The following CFAP20DC variants were observed in gnomAD, a reference collection of about 807,000 sequenced individuals.
CFAP20DC encodes CFAP20 domain containing.
In CFAP20DC, 84 loss-of-function variants were observed where a neutral mutation model predicts 101.7. That is an observed-to-expected ratio of 0.83 (90% CI 0.69 to 0.99). The LOEUF (loss-of-function observed/expected upper bound fraction) is 0.99. Among genes scored for constraint, CFAP20DC ranks in the 50% least tolerant of loss-of-function variants. The probability of loss-of-function intolerance (pLI) is 0.00; values close to 1 mark genes in which losing one functional copy is unlikely to be tolerated. For synonymous variants in CFAP20DC, 359 were observed against 351.2 expected (o/e 1.02, Z -0.25); for missense variants, 1,007 against 970.3 (o/e 1.04, Z -0.50).
rs138730262 is a variant in CFAP20DC, at chr3:58,791,982, C to G, written c.2237+14413G>C. 2.0e-3 allele frequency among the ~76,000 whole-genome samples: 301 copies of G among 152,278 alleles called. 5 individuals are homozygous for G. In the East Asian group the frequency reaches 0.045, roughly 23 times the overall value. On this transcript the variant is annotated intron_variant, in intron 15 of 16. Coordinates refer to ENST00000482387, the MANE Select transcript of CFAP20DC (RefSeq NM_001394063.1). ...CCTAGAAGTGCAATACAACCATGTACTTGGAATCTGGAGAGCTGGGAATAT... is the reference window on the plus strand; with the variant it reads ...CCTAGAAGTGCAATACAACCATGTAGTTGGAATCTGGAGAGCTGGGAATAT...
intron 4 of CFAP20DC, among the ~76,000 whole-genome samples, chr3:58,962,128 T>G (rs181741130): frequency 1.3e-5 from 2 of 152,342 alleles, no homozygotes; most frequent in East Asian, 3.9e-4. Flanking sequence ...GAATCTTTTT[T>G]CTTTCTTAAC....
chr3:58,910,275 T>G (rs1341674641), intron 6 of CFAP20DC, among the ~76,000 whole-genome samples: 4 of 152,168 alleles, frequency 2.6e-5, no homozygotes, highest in Admixed American at 6.6e-5. Flanking sequence ...ACCCACTCAC[T>G]CATTTTTGTG....
At position 59,015,983 on chromosome 3, in the gene CFAP20DC, C is replaced by A. The variant is rs542580441; in HGVS notation, c.278+23574G>T. On this transcript the variant is annotated intron_variant, in intron 4 of 16. Coordinates refer to ENST00000482387, the MANE Select transcript of CFAP20DC (RefSeq NM_001394063.1). The surrounding 1 kb of genome is among the most constrained non-coding windows in gnomAD (Gnocchi z 5.4). The stretch of plus-strand genomic sequence containing the variant: ...CTGGGACAAAATGCTGGGAAGAAGC[C>A]AGATCCTGGGTTCTGGCTACCTTGT... 2.1e-4 allele frequency among the ~76,000 whole-genome samples: 32 copies of A among 152,180 alleles called. No individual in the cohort carries two copies. The highest frequency in any genetic ancestry group is 9.2e-4 in the Admixed American group (14 of 15,284).
Position 59,049,640 on chromosome 3 carries a change from G to C in CFAP20DC, c.-9C>G. ...TACTCATTTTTGAACATTCCCGCAG[G>C]GGGCCCAGGGCTTGGGGGGCACAGA... On this transcript the variant is annotated 5_prime_UTR_variant, in exon 1 of 17. Coordinates refer to ENST00000482387, the MANE Select transcript of CFAP20DC (RefSeq NM_001394063.1). 1 of 1,536,128 alleles carries C rather than the reference G, an allele frequency of 6.5e-7. No homozygotes were observed. The highest frequency in any genetic ancestry group is 8.7e-7 in the Non-Finnish European group (1 of 1,146,902).
intron 7 of CFAP20DC, among the ~76,000 whole-genome samples, chr3:58,871,871 C>T (rs2080255000): frequency 6.6e-6 from 1 of 152,122 alleles, no homozygotes; most frequent in African/African-American, 2.4e-5. Context: ...GAAGTTTCAG[C>T]CATTTCCTGG....
chr3:58,819,584 T>A (rs1198591831), intron 14 of CFAP20DC, among the ~76,000 whole-genome samples: 4 of 149,308 alleles, frequency 2.7e-5, no homozygotes, highest in African/African-American at 9.9e-5. Context: ...CTCCCAAGAC[T>A]AAACCAGGAA....
chr3:58,827,005 C>T (rs2076084115), intron 14 of CFAP20DC, among the ~76,000 whole-genome samples: 1 of 152,044 alleles, frequency 6.6e-6, no homozygotes, highest in South Asian at 2.1e-4. Flanking sequence ...ATTTTAGGGG[C>T]AGTGAAACTA....
chr3:58,948,377 T>C (rs1413342289), intron 4 of CFAP20DC, among the ~76,000 whole-genome samples: 1 of 152,254 alleles, frequency 6.6e-6, no homozygotes, highest in East Asian at 1.9e-4. Context: ...TTTAATCACA[T>C]TTTTTATTGA....
At chr3:59,011,914 A>C (rs1264876666) in intron 4 of CFAP20DC, among the ~76,000 whole-genome samples, 5 of 152,190 alleles carry the variant, frequency 3.3e-5, no homozygotes, top group Admixed American at 3.3e-4. Flanking sequence ...AATTATGAAT[A>C]ATTAATCCTA....
At chr3:59,025,716 C>T (rs1001833159) in intron 4 of CFAP20DC, among the ~76,000 whole-genome samples, 4 of 152,120 alleles carry the variant, frequency 2.6e-5, no homozygotes, top group African/African-American at 7.2e-5. Context: ...AGGACCCTGA[C>T]TTGTGCCCTG....
In CFAP20DC at chr3:58,913,576, T is replaced by C; in HGVS notation, c.550+132A>G. On this transcript the variant is annotated intron_variant, in intron 6 of 16. Transcript: ENST00000482387. The surrounding 1 kb of genome is among the most constrained non-coding windows in gnomAD (Gnocchi z 4.4). ...TTGATCTAGAACAAAGAAATCAGCA[T>C]GACTGTTGACAAATTTACTTTAGCA... is the stretch of plus-strand genomic sequence containing the variant. The C allele has an allele frequency of 1.2e-6, 1 of 844,614 alleles. No homozygotes were observed. Among genetic ancestry groups the C allele is most frequent in the Non-Finnish European group, 2.0e-6 (1 of 506,498 alleles). 52.3% of individuals were successfully genotyped at this position (844,614 alleles called of 1,614,324 possible). A position where few individuals can be genotyped will look rare whatever the true frequency, so the allele number is the denominator to read the frequency against.
intron 4 of CFAP20DC, among the ~76,000 whole-genome samples, chr3:58,968,675 G>T (rs192121874): frequency 3.7e-4 from 56 of 152,274 alleles, no homozygotes; most frequent in Non-Finnish European, 6.9e-4. Flanking sequence ...TCACCCTGCT[G>T]ATAGTTTCTT....
chr3:59,029,986 C>T (rs1274336551), intron 4 of CFAP20DC, among the ~76,000 whole-genome samples: 1 of 152,164 alleles, frequency 6.6e-6, no homozygotes, highest in African/African-American at 2.4e-5. Context: ...TATGCATAAT[C>T]ATCCAGTGGG....
rs984892821 is a variant in CFAP20DC at position 59,002,057 on chromosome 3, G to C, written c.278+37500C>G. Among the ~76,000 whole-genome samples the C allele has an allele frequency of 2.6e-5, 4 of 152,134 alleles. No homozygotes were observed. Among genetic ancestry groups the C allele is most frequent in the Admixed American group, 1.3e-4 (2 of 15,280 alleles). The stretch of plus-strand genomic sequence containing the variant: ...GGCCACCATCTTAATCGTTTACCTA[G>C]GAGGCAATATCATGAAGTTAAAAGT... On this transcript the variant is annotated intron_variant, in intron 4 of 16. Coordinates refer to ENST00000482387, the MANE Select transcript of CFAP20DC (RefSeq NM_001394063.1). The surrounding 1 kb of genome is among the most constrained non-coding windows in gnomAD (Gnocchi z 4.5).
At chr3:58,975,665 A>T (rs1200792256) in intron 4 of CFAP20DC, among the ~76,000 whole-genome samples, 1 of 152,248 alleles carries the variant, frequency 6.6e-6, no homozygotes, top group Non-Finnish European at 1.5e-5. Flanking sequence ...CTAAAAGAGA[A>T]TAACTGCATC....
Position 58,795,996 on chromosome 3 carries a change from T to C in CFAP20DC, c.2237+10399A>G, listed in dbSNP as rs566735768. 2.0e-5 allele frequency among the ~76,000 whole-genome samples: 3 copies of C among 151,734 alleles called. No homozygotes were observed. Among genetic ancestry groups the C allele is most frequent in the Non-Finnish European group, 4.4e-5 (3 of 67,952 alleles). On this transcript the variant is annotated intron_variant, in intron 15 of 16. Transcript: ENST00000482387. The surrounding 1 kb of genome is among the most constrained non-coding windows in gnomAD (Gnocchi z 4.2). ...AGGCAGGCGGGTCCAGACACGAACA[T>C]GGAGAGAGTGAAGACAAATAAATCT...
chr3:58,744,086 G>A (rs1335833282), intron 16 of CFAP20DC, among the ~76,000 whole-genome samples: 1 of 152,234 alleles, frequency 6.6e-6, no homozygotes, highest in East Asian at 1.9e-4. Context: ...GTTCAACTGA[G>A]GAATGATTAC....
intron 15 of CFAP20DC, among the ~76,000 whole-genome samples, chr3:58,769,927 TA>T (rs2070689133): frequency 6.6e-6 from 1 of 152,172 alleles, no homozygotes; most frequent in Non-Finnish European, 1.5e-5. Flanking sequence ...CTTTATTAGA[TA>T]AATCCACAAA....
At position 58,912,879 on chromosome 3, in the gene CFAP20DC, A is replaced by G. The variant is rs2084297401; in HGVS notation, c.550+829T>C. ...AAATTAATATGATTTCTCCCAAATG[A>G]CTTCCTGAAATGTACACAGAGTAAT... On this transcript the variant is annotated intron_variant, in intron 6 of 16. Transcript: ENST00000482387. The surrounding 1 kb of genome is among the most constrained non-coding windows in gnomAD (Gnocchi z 4.4). 1.5e-5 allele frequency: 6 copies of G among 392,278 alleles called. No individual in the cohort carries two copies. Among genetic ancestry groups the G allele is most frequent in the South Asian group, 9.8e-5 (5 of 51,008 alleles). The allele number at this position is 392,278 out of a possible 1,614,324, so 24.3% of individuals were successfully genotyped here.
Sources: allele counts gnomAD v4.1 joint callset (sites outside exome capture counted in the v4.1 genomes callset), GRCh38; gene constraint gnomAD v4.1.1; non-coding constraint Gnocchi (gnomAD v3.1); transcripts MANE v1.5; gene names NCBI Gene and HGNC (gene_info 2026-07-23, HGNC 2026-07-21).